The following FBLN1 variants were observed in gnomAD, a reference collection of about 807,000 sequenced individuals.
FBLN1 encodes fibulin 1.
Under a neutral mutation model 89.7 loss-of-function variants are expected in FBLN1, and 34 were observed. The ratio of observed to expected loss-of-function variants is 0.38; its 90% CI spans 0.29 to 0.50. The LOEUF is 0.50. Ranked by LOEUF, FBLN1 falls within the 20% of genes least tolerant of loss-of-function variation. The pLI is 0.92. For synonymous variants in FBLN1, 393 were observed against 391.3 expected (o/e 1.00, Z -0.05); for missense variants, 777 against 988.1 (o/e 0.79, Z 2.86).
chr22:45,516,647 G>T (rs574423876), intron 1 of FBLN1, among the ~76,000 whole-genome samples: 14 of 152,138 alleles, frequency 9.2e-5, no homozygotes, highest in Admixed American at 5.2e-4. Flanking sequence ...GGGGACACCT[G>T]AGGTGGGAGG....
At chr22:45,551,672 C>A (rs1372731296) in intron 14 of FBLN1, among the ~76,000 whole-genome samples, 1 of 152,224 alleles carries the variant, frequency 6.6e-6, no homozygotes, top group Non-Finnish European at 1.5e-5. Flanking sequence ...GAAAAAGCTG[C>A]CCCAAAACTG....
chr22:45,549,405 T>G lies in FBLN1; in HGVS notation c.1573+661T>G, dbSNP rs543105080. The stretch of plus-strand genomic sequence containing the variant: ...CGGGAGCCCCACACAGGACTGTGGA[T>G]CCTGGGGCTCTGGAAGCCCCCTGGG... On this transcript the variant is annotated intron_variant, in intron 13 of 16. Transcript: ENST00000327858. The surrounding 1 kb of genome is among the most constrained non-coding windows in gnomAD (Gnocchi z 5.7). Among the ~76,000 whole-genome samples, 1 of 152,248 alleles carries G rather than the reference T, an allele frequency of 6.6e-6. No individual in the cohort carries two copies. Among genetic ancestry groups the G allele is most frequent in the Admixed American group, 6.5e-5 (1 of 15,302 alleles).
Position 45,600,678 on chromosome 22 carries a change from T to C in FBLN1, c.*232T>C. ...TTGGTTGAAAACCTTGCTCATTTTT[T>C]AATGCGAAGGCTAAGTGTCACCCCC... is the stretch of plus-strand genomic sequence containing the variant. On this transcript the variant is annotated 3_prime_UTR_variant, in exon 17 of 17. Coordinates refer to ENST00000327858, the MANE Select transcript of FBLN1 (RefSeq NM_006486.3). The C allele has an allele frequency of 1.7e-6, 1 of 583,738 alleles. No individual in the cohort carries two copies. The highest frequency in any genetic ancestry group is 3.1e-6 in the Non-Finnish European group (1 of 323,410). The allele number at this position is 583,738 out of a possible 1,614,324, so 36.2% of individuals were successfully genotyped here.
intron 16 of FBLN1, among the ~76,000 whole-genome samples, chr22:45,593,673 G>A (rs180903872): frequency 2.0e-5 from 3 of 152,156 alleles, no homozygotes; most frequent in Admixed American, 6.5e-5. Context: ...TTACTGCTGG[G>A]GTGGTCCTTC....
rs1403271653 is a variant in FBLN1, at chr22:45,545,900, C to G, written c.1322-1185C>G. ...CAGTGGCTCACACCTGTAATCCCAG[C>G]ACTTTGGGAGGCTGAGGCAGGTGGA... On this transcript the variant is annotated intron_variant, in intron 11 of 16. Transcript: ENST00000327858. This position sits in a 1 kb window ranked among gnomAD's most constrained non-coding sequence, Gnocchi z 5.9. 6.6e-6 allele frequency among the ~76,000 whole-genome samples: 1 copy of G among 152,126 alleles called. No individual in the cohort carries two copies. Among genetic ancestry groups the G allele is most frequent in the East Asian group, 1.9e-4 (1 of 5,188 alleles).
intron 1 of FBLN1, among the ~76,000 whole-genome samples, chr22:45,509,967 A>C (rs5764759): frequency 0.55 from 83,384 of 151,426 alleles, 23,229 homozygotes; most frequent in East Asian, 0.79. Flanking sequence ...ATTCACTTTT[A>C]AAAACTCCTG....
intron 1 of FBLN1, among the ~76,000 whole-genome samples, chr22:45,514,724 C>T (rs551167095): frequency 1.6e-4 from 24 of 152,232 alleles, no homozygotes; most frequent in African/African-American, 5.5e-4. Flanking sequence ...CTTACTGAGC[C>T]GTGACGTTTG....
At chr22:45,564,770 C>A in intron 14 of FBLN1, 1 of 1,267,914 alleles carries the variant, frequency 7.9e-7, no homozygotes, top group Non-Finnish European at 1.1e-6. Flanking sequence ...CAAGACATCT[C>A]GCGTGCAGAA....
Position 45,572,680 on chromosome 22 carries a change from A to C in FBLN1, c.1698-1831A>C, listed in dbSNP as rs2088961313. On this transcript the variant is annotated intron_variant, in intron 14 of 16. Coordinates refer to ENST00000327858, the MANE Select transcript of FBLN1 (RefSeq NM_006486.3). This position sits in a 1 kb window ranked among gnomAD's most constrained non-coding sequence, Gnocchi z 5.8. The stretch of plus-strand genomic sequence containing the variant: ...TCAGTGGGCGTAGGCCTTGAGCATC[A>C]GTAGATGCTGTCCTCACAGAGACAG... 6.6e-6 allele frequency among the ~76,000 whole-genome samples: 1 copy of C among 152,256 alleles called. No homozygotes were observed. The highest frequency in any genetic ancestry group is 6.5e-5 in the Admixed American group (1 of 15,288).
At position 45,585,786 on chromosome 22, in the gene FBLN1, C is replaced by A. The variant is rs536529333; in HGVS notation, c.1972+8678C>A. Among the ~76,000 whole-genome samples, 447 of 152,282 alleles carry A rather than the reference C, an allele frequency of 2.9e-3. 3 individuals are homozygous for A. The highest frequency in any genetic ancestry group is 0.01 in the African/African-American group (424 of 41,554). On this transcript the variant is annotated intron_variant, in intron 16 of 16. Coordinates refer to ENST00000327858, the MANE Select transcript of FBLN1 (RefSeq NM_006486.3). Reference sequence around the variant, plus strand: ...GAGACTGGGAGATGGAAGGAGAACACACACCTTTTCTGCTCCCTATGTCGT... The same window carrying A: ...GAGACTGGGAGATGGAAGGAGAACAAACACCTTTTCTGCTCCCTATGTCGT...
At chr22:45,544,038 A>G (rs905418367) in intron 11 of FBLN1, among the ~76,000 whole-genome samples, 5 of 151,658 alleles carry the variant, frequency 3.3e-5, no homozygotes, top group Non-Finnish European at 7.4e-5. Context: ...GAGCTGTGAG[A>G]GGAAGTACTG....
At chr22:45,506,634 G>GCGGGGGAAAGGGTGTTCCTGT (rs1305632025) in intron 1 of FBLN1, among the ~76,000 whole-genome samples, 1 of 152,184 alleles carries the variant, frequency 6.6e-6, no homozygotes, top group African/African-American at 2.4e-5. Context: ...GGTGTTCCTG[G>GCGGGGGAAAGGGTGTTCCTGT]CAGGGGAAAT....
intron 10 of FBLN1, 146 bp from the exon 11 acceptor site, chr22:45,543,255 G>A: frequency 1.0e-6 from 1 of 981,234 alleles, no homozygotes; most frequent in Admixed American, 2.0e-5. Context: ...GACAGAGCGA[G>A]ACTCCATCTC....
Position 45,531,379 on chromosome 22 carries a change from G to C in FBLN1, c.544+55G>C. On this transcript the variant is annotated intron_variant, in intron 5 of 16. Coordinates refer to ENST00000327858, the MANE Select transcript of FBLN1 (RefSeq NM_006486.3). This position sits in a 1 kb window ranked among gnomAD's most constrained non-coding sequence, Gnocchi z 4.9. ...TATTTAAACAAACCCCAAGGGGCCA[G>C]CAAGGTGGCTCAGGCCTGTAATCCT... 1 of 1,494,592 alleles carries C rather than the reference G, an allele frequency of 6.7e-7. No homozygotes were observed. The highest frequency in any genetic ancestry group is 1.7e-5 in the Admixed American group (1 of 59,828). The allele number at this position is 1,494,592 out of a possible 1,614,324, so 92.6% of individuals were successfully genotyped here.
At chr22:45,551,083 A>G in intron 14 of FBLN1, 1 of 267,264 alleles carries the variant, frequency 3.7e-6, no homozygotes, top group East Asian at 8.9e-5. Flanking sequence ...GAATTCGTCC[A>G]GCCTGGTGAC....
Position 45,574,706 on chromosome 22 carries a change from T to G in FBLN1, c.1840+53T>G. Reference sequence around the variant, plus strand: ...GGGCCCCCTAGGGCCTCCCTCGGCTTCAGCTGAGGGCTTGGCCTACAGGAG... The same window carrying G: ...GGGCCCCCTAGGGCCTCCCTCGGCTGCAGCTGAGGGCTTGGCCTACAGGAG... On this transcript the variant is annotated intron_variant, in intron 15 of 16. Coordinates refer to ENST00000327858, the MANE Select transcript of FBLN1 (RefSeq NM_006486.3). The surrounding 1 kb of genome is among the most constrained non-coding windows in gnomAD (Gnocchi z 4.1). 1 of 1,533,088 alleles carries G rather than the reference T, an allele frequency of 6.5e-7. No homozygotes were observed. The highest frequency in any genetic ancestry group is 9.0e-7 in the Non-Finnish European group (1 of 1,116,482). 95.0% of individuals were successfully genotyped at this position (1,533,088 alleles called of 1,614,324 possible).
At chr22:45,599,663 A>T (rs2089214650) in intron 16 of FBLN1, among the ~76,000 whole-genome samples, 1 of 152,174 alleles carries the variant, frequency 6.6e-6, no homozygotes. Context: ...CATGCCTGTA[A>T]TCCCAGCACT....
intron 1 of FBLN1, among the ~76,000 whole-genome samples, chr22:45,507,060 G>C (rs958968002): frequency 1.3e-5 from 2 of 152,120 alleles, no homozygotes; most frequent in Non-Finnish European, 2.9e-5. Context: ...GGGAACCACT[G>C]TGTCAACTTC....
rs2088975756 is a variant in FBLN1, at chr22:45,574,404, C to T, written c.1698-107C>T. On this transcript the variant is annotated intron_variant, in intron 14 of 16. Coordinates refer to ENST00000327858, the MANE Select transcript of FBLN1 (RefSeq NM_006486.3). The surrounding 1 kb of genome is among the most constrained non-coding windows in gnomAD (Gnocchi z 4.1). ...TTCTCTGATGGAGCTGTCTCTGGGA[C>T]AGATGCCCCTGCCCTGGCCACCTGC... The T allele has an allele frequency of 8.2e-7, 1 of 1,217,658 alleles. No homozygotes were observed. Among genetic ancestry groups the T allele is most frequent in the Non-Finnish European group, 1.2e-6 (1 of 841,252 alleles). 75.4% of individuals were successfully genotyped at this position (1,217,658 alleles called of 1,614,324 possible).
Sources: allele counts gnomAD v4.1 joint callset (sites outside exome capture counted in the v4.1 genomes callset), GRCh38; gene constraint gnomAD v4.1.1; non-coding constraint Gnocchi (gnomAD v3.1); transcripts MANE v1.5; gene names NCBI Gene and HGNC (gene_info 2026-07-23, HGNC 2026-07-21).